DCC: variants seen among roughly 807,000 people sequenced by gnomAD.
The protein encoded by DCC is DCC netrin 1 receptor.
Under a neutral mutation model 172.5 loss-of-function variants are expected in DCC, and 58 were observed. The observed-to-expected ratio is 0.34, with a 90% CI of 0.27 to 0.42. The LOEUF is 0.42. DCC is among the 10% of genes least tolerant of loss of function. The probability of loss-of-function intolerance (pLI) is 1.00; values close to 1 mark genes in which losing one functional copy is unlikely to be tolerated. For synonymous variants in DCC, 709 were observed against 644.5 expected, an observed-to-expected ratio of 1.10 and a Z score of -1.52; for missense variants, 1,740 against 1,791.0, an observed-to-expected ratio of 0.97 and a Z score of 0.51.
chr18:52,421,546 T>A (rs1239240797), intron 1 of DCC, among the ~76,000 whole-genome samples: 1 of 152,150 alleles, frequency 6.6e-6, no homozygotes, highest in Non-Finnish European at 1.5e-5. Flanking sequence ...TGCCTCAGGC[T>A]CTTGAGGGAT....
At chr18:52,409,574 C>T (rs1037567471) in intron 1 of DCC, among the ~76,000 whole-genome samples, 1 of 152,118 alleles carries the variant, frequency 6.6e-6, no homozygotes, top group South Asian at 2.1e-4. Flanking sequence ...AACTTACATG[C>T]CACTTGCTTG....
At chr18:52,937,477 C>A (rs2040397742) in intron 5 of DCC, among the ~76,000 whole-genome samples, 1 of 152,054 alleles carries the variant, frequency 6.6e-6, no homozygotes, top group Admixed American at 6.6e-5. Flanking sequence ...TTATGCTTAT[C>A]AGTTATCTCC....
At chr18:53,217,058 A>G (rs1488906961) in intron 12 of DCC, among the ~76,000 whole-genome samples, 1 of 152,052 alleles carries the variant, frequency 6.6e-6, no homozygotes, top group Non-Finnish European at 1.5e-5. Context: ...TTCCTCCAGG[A>G]CAGAATATAG....
chr18:53,142,777 T>C (rs1213388060), intron 7 of DCC, among the ~76,000 whole-genome samples: 1 of 152,218 alleles, frequency 6.6e-6, no homozygotes, highest in Non-Finnish European at 1.5e-5. Flanking sequence ...AGTCTTTATT[T>C]GGATTTCATT....
At chr18:52,413,336 A>G (rs1986905441) in intron 1 of DCC, among the ~76,000 whole-genome samples, 9 of 151,416 alleles carry the variant, frequency 5.9e-5, no homozygotes, top group Admixed American at 5.9e-4. Flanking sequence ...GTGCAAACTG[A>G]ATCTTTTTCT....
At chr18:52,556,824 T>C (rs1179088656) in intron 1 of DCC, among the ~76,000 whole-genome samples, 1 of 152,138 alleles carries the variant, frequency 6.6e-6, no homozygotes, top group Admixed American at 6.6e-5. Flanking sequence ...CTCCCTCTGA[T>C]CAGCCATCAG....
intron 1 of DCC, among the ~76,000 whole-genome samples, chr18:52,404,294 C>T (rs1354080193): frequency 6.6e-6 from 1 of 151,990 alleles, no homozygotes; most frequent in African/African-American, 2.4e-5. Context: ...CTCTTCCTTC[C>T]ATAGGTCAGG....
chr18:52,655,502 C>T (rs34309927), intron 1 of DCC, among the ~76,000 whole-genome samples: 25,890 of 151,948 alleles, frequency 0.17, 2,226 homozygotes, highest in Non-Finnish European at 0.19. Flanking sequence ...GAATTTAATT[C>T]AGTGTCTTCT....
At chr18:52,480,493 A>G (rs2029913841) in intron 1 of DCC, among the ~76,000 whole-genome samples, 1 of 152,204 alleles carries the variant, frequency 6.6e-6, no homozygotes, top group South Asian at 2.1e-4. Context: ...CCAGGGATCT[A>G]TCAACACAAG....
At chr18:53,151,498 T>G (rs1026949575) in intron 7 of DCC, among the ~76,000 whole-genome samples, 2 of 152,230 alleles carry the variant, frequency 1.3e-5, no homozygotes, top group Non-Finnish European at 2.9e-5. Flanking sequence ...TTCATTTTTA[T>G]CTAAAATGTA....
chr18:52,633,919 G>A (rs570718347), intron 1 of DCC, among the ~76,000 whole-genome samples: 1 of 152,344 alleles, frequency 6.6e-6, no homozygotes, highest in East Asian at 1.9e-4. Context: ...CTGATTCTCA[G>A]GAGGAATTGT....
intron 1 of DCC, among the ~76,000 whole-genome samples, chr18:52,411,826 A>C (rs1365041339): frequency 6.6e-6 from 1 of 152,174 alleles, no homozygotes; most frequent in Non-Finnish European, 1.5e-5. Context: ...TAGATTAAAA[A>C]TGCTTAAAAT....
intron 1 of DCC, among the ~76,000 whole-genome samples, chr18:52,544,590 C>T (rs953332003): frequency 2.6e-5 from 4 of 152,132 alleles, no homozygotes; most frequent in African/African-American, 9.7e-5. Flanking sequence ...TTCACACCCC[C>T]AGTTCTTGCT....
chr18:52,723,457 A>G (rs1283271009), intron 1 of DCC, among the ~76,000 whole-genome samples: 2 of 152,204 alleles, frequency 1.3e-5, no homozygotes, highest in African/African-American at 2.4e-5. Context: ...GAACGCCAAC[A>G]GTAGGCTAGA....
chr18:53,003,006 T>A (rs1404412883), intron 5 of DCC, among the ~76,000 whole-genome samples: 2 of 152,104 alleles, frequency 1.3e-5, no homozygotes, highest in African/African-American at 4.8e-5. Flanking sequence ...CCTCTACCCT[T>A]AGGACATATA....
intron 23 of DCC, among the ~76,000 whole-genome samples, chr18:53,453,860 A>G (rs2045448817): frequency 6.6e-6 from 1 of 152,110 alleles, no homozygotes; most frequent in Non-Finnish European, 1.5e-5. Context: ...GCCAGGTAAC[A>G]ATCTTCTACT....
At chr18:53,402,285 G>A (rs780520565) in intron 18 of DCC, among the ~76,000 whole-genome samples, 11 of 151,980 alleles carry the variant, frequency 7.2e-5, no homozygotes, top group Non-Finnish European at 1.5e-4. Flanking sequence ...GGCTACTCAG[G>A]AGGCTGAGAT....
intron 27 of DCC, among the ~76,000 whole-genome samples, chr18:53,502,389 T>C (rs1290805826): frequency 6.6e-6 from 1 of 152,232 alleles, no homozygotes; most frequent in Non-Finnish European, 1.5e-5. Context: ...TCTTCCTGCA[T>C]TGCTCCTGAC....
chr18:53,079,192 G>C (rs538364466), intron 7 of DCC, among the ~76,000 whole-genome samples: 1 of 152,020 alleles, frequency 6.6e-6, no homozygotes, highest in Admixed American at 6.6e-5. Context: ...TTCATAAATG[G>C]AAAAAAGAAT....
Sources: gnomAD v4.1 joint callset for allele counts (sites outside exome capture counted in the v4.1 genomes callset) on GRCh38, gnomAD v4.1.1 for gene constraint, MANE v1.5 for transcripts, NCBI Gene and HGNC (gene_info 2026-07-23, HGNC 2026-07-21) for gene names.